DENND4C: variants seen among roughly 807,000 people sequenced by gnomAD.
DENND4C encodes the protein DENN domain containing 4C, also known as DENN domain-containing protein 4C.
A neutral mutation model predicts 203.0 loss-of-function variants in DENND4C; 108 were observed. The observed-to-expected ratio is 0.53, with a 90% CI of 0.46 to 0.62. The LOEUF (loss-of-function observed/expected upper bound fraction) is 0.62, where lower values mean the gene tolerates loss of function less well. Among genes scored for constraint, DENND4C ranks in the 20% least tolerant of loss-of-function variants. The probability of loss-of-function intolerance (pLI) is 0.00; values close to 1 mark genes in which losing one functional copy is unlikely to be tolerated. For synonymous variants in DENND4C, 871 were observed against 792.4 expected (o/e 1.10, Z -1.67); for missense variants, 2,481 against 2,301.2 (o/e 1.08, Z -1.60).
chr9:19,249,245 G>A (rs765220608), intron 1 of DENND4C, among the ~76,000 whole-genome samples: 1 of 151,532 alleles, frequency 6.6e-6, no homozygotes, highest in Non-Finnish European at 1.5e-5. Context: ...TAATATACCA[G>A]TAGTAATTTT....
intron 9 of DENND4C, among the ~76,000 whole-genome samples, chr9:19,305,068 T>C (rs2131373190): frequency 6.6e-6 from 1 of 152,260 alleles, no homozygotes. Flanking sequence ...TTCCATAAAA[T>C]TGGAATGTGT....
Position 19,336,253 on chromosome 9 carries a change from C to T in DENND4C, c.2590-17C>T. The T allele has an allele frequency of 1.3e-6, 2 of 1,597,586 alleles. No individual in the cohort carries two copies. The highest frequency in any genetic ancestry group is 1.1e-5 in the South Asian group (1 of 88,374). ...TATTGCTAATGAACATTATTTTTAC[C>T]CTTATTTTACCTTTAGGTAGTCTTG... On this transcript the variant is annotated splice_polypyrimidine_tract_variant and intron_variant, in intron 18 of 32. Coordinates refer to ENST00000434457, the MANE Select transcript of DENND4C (RefSeq NM_001330640.2).
At chr9:19,278,220 C>T (rs1207812311) in intron 2 of DENND4C, among the ~76,000 whole-genome samples, 1 of 151,966 alleles carries the variant, frequency 6.6e-6, no homozygotes, top group African/African-American at 2.4e-5. Flanking sequence ...ACTGCAACCT[C>T]CGCCTCCCGG....
chr9:19,331,852 A>C (rs2131790360), intron 16 of DENND4C, 126 bp from the exon 17 acceptor site: 1 of 817,044 alleles, frequency 1.2e-6, no homozygotes, highest in Non-Finnish European at 1.9e-6. Flanking sequence ...CACAAAAGTC[A>C]ACTTTGAAGT....
At chr9:19,347,171 A>G in intron 23 of DENND4C, 85 bp downstream of exon 23, 1 of 1,337,214 alleles carries the variant, frequency 7.5e-7, no homozygotes, top group Non-Finnish European at 1.0e-6. Context: ...TTGTTCAGAG[A>G]TTTCTGTGCC....
At chr9:19,249,415 G>A (rs184789352) in intron 1 of DENND4C, among the ~76,000 whole-genome samples, 2 of 151,934 alleles carry the variant, frequency 1.3e-5, no homozygotes, top group Admixed American at 1.3e-4. Flanking sequence ...ACCATGCCCG[G>A]CTAATTTTTT....
At chr9:19,366,026 A>G (rs1308961955) in intron 30 of DENND4C, among the ~76,000 whole-genome samples, 3 of 152,232 alleles carry the variant, frequency 2.0e-5, no homozygotes, top group Admixed American at 6.5e-5. Context: ...TGCAGTCCCT[A>G]TCAGAATTTC....
intron 13 of DENND4C, among the ~76,000 whole-genome samples, chr9:19,324,854 G>A (rs1843462410): frequency 6.6e-6 from 1 of 152,054 alleles, no homozygotes; most frequent in Admixed American, 6.6e-5. Context: ...TGAGTAGCTG[G>A]GACTACAGGC....
chr9:19,301,322 TC>T (rs1563779546), intron 9 of DENND4C, among the ~76,000 whole-genome samples: 1 of 152,200 alleles, frequency 6.6e-6, no homozygotes, highest in Non-Finnish European at 1.5e-5. Flanking sequence ...TCTCTTCCCT[TC>T]CCCATTTTAA....
intron 1 of DENND4C, among the ~76,000 whole-genome samples, chr9:19,275,193 G>C (rs1329595177): frequency 2.6e-5 from 4 of 151,400 alleles, no homozygotes; most frequent in African/African-American, 9.7e-5. Context: ...AGCCAGGCTG[G>C]TGTCAAATTC....
chr9:19,315,020 C>T (rs915899036), intron 10 of DENND4C, among the ~76,000 whole-genome samples: 1 of 151,714 alleles, frequency 6.6e-6, no homozygotes, highest in East Asian at 1.9e-4. Flanking sequence ...ATTAGCTGGG[C>T]GTGATGGCGC....
intron 2 of DENND4C, among the ~76,000 whole-genome samples, chr9:19,279,857 T>C (rs1026407336): frequency 7.3e-5 from 11 of 151,676 alleles, no homozygotes; most frequent in Admixed American, 1.3e-4. Flanking sequence ...AAAAATCTAT[T>C]TTTAACAAAA....
intron 26 of DENND4C, among the ~76,000 whole-genome samples, chr9:19,354,766 G>C (rs1200266701): frequency 6.6e-6 from 1 of 151,640 alleles, no homozygotes; most frequent in East Asian, 1.9e-4. Flanking sequence ...GGCTGGTCTC[G>C]AACTCCTGAT....
intron 12 of DENND4C, among the ~76,000 whole-genome samples, chr9:19,319,344 ATATATACT>A (rs1169336493): frequency 1.6e-4 from 9 of 57,342 alleles, no homozygotes; most frequent in South Asian, 5.7e-4. Flanking sequence ...ATACACATAT[ATATATACT>A]TATATATACA....
intron 21 of DENND4C, among the ~76,000 whole-genome samples, chr9:19,341,352 G>A (rs147779132): frequency 1.5e-5 from 2 of 135,788 alleles, no homozygotes; most frequent in African/African-American, 2.8e-5. Context: ...TTGCTCTCTC[G>A]CCCAGGCTGA....
At chr9:19,250,020 T>G (rs1826172414) in intron 1 of DENND4C, among the ~76,000 whole-genome samples, 1 of 152,160 alleles carries the variant, frequency 6.6e-6, no homozygotes, top group African/African-American at 2.4e-5. Context: ...TATATGTGGC[T>G]GGGCGCTGTA....
intron 12 of DENND4C, among the ~76,000 whole-genome samples, chr9:19,319,164 C>T (rs558055518): frequency 6.6e-5 from 8 of 121,676 alleles, no homozygotes; most frequent in Non-Finnish European, 1.4e-4. Flanking sequence ...AACTTCATCT[C>T]AAAAAAAAAA....
At chr9:19,243,616 G>A (rs1468705868) in intron 1 of DENND4C, among the ~76,000 whole-genome samples, 1 of 152,118 alleles carries the variant, frequency 6.6e-6, no homozygotes, top group East Asian at 1.9e-4. Flanking sequence ...TAGGCAATGT[G>A]TGACCTTTTG....
intron 9 of DENND4C, among the ~76,000 whole-genome samples, chr9:19,303,013 A>G (rs1298698945): frequency 6.9e-6 from 1 of 144,642 alleles, no homozygotes; most frequent in Non-Finnish European, 1.5e-5. Flanking sequence ...TTTTTTTTTC[A>G]TAGCACTTAT....
Sources: allele counts gnomAD v4.1 joint callset (sites outside exome capture counted in the v4.1 genomes callset), GRCh38; gene constraint gnomAD v4.1.1; transcripts MANE v1.5; gene names NCBI Gene and HGNC (gene_info 2026-07-23, HGNC 2026-07-21).